ST8SIA5: variants seen among roughly 807,000 people sequenced by gnomAD.
ST8SIA5 encodes the protein alpha-2,8-sialyltransferase 8E.
In ST8SIA5, 24 loss-of-function variants were observed where a neutral mutation model predicts 40.2. The observed-to-expected ratio is 0.60, with a 90% confidence interval of 0.43 to 0.84. The LOEUF (loss-of-function observed/expected upper bound fraction) is 0.84. Among genes scored for constraint, ST8SIA5 ranks in the 40% least tolerant of loss-of-function variants. The probability of loss-of-function intolerance (pLI) is 0.00; values close to 1 mark genes in which losing one functional copy is unlikely to be tolerated. For synonymous variants in ST8SIA5, 198 were observed against 201.8 expected, an observed-to-expected ratio of 0.98 and a Z score of 0.16; for missense variants, 465 against 498.5, an observed-to-expected ratio of 0.93 and a Z score of 0.64.
chr18:46,719,720 C>CTCTCTCTTTCTT (rs2039838923), intron 1 of ST8SIA5, among the ~76,000 whole-genome samples: 3 of 5,666 alleles, frequency 5.3e-4, no homozygotes, highest in Non-Finnish European at 1.4e-3. Context: ...CTTTCTTTCT[C>CTCTCTCTTTCTT]TCTTTCTCTC....
At chr18:46,703,267 TC>T (rs1309182206) in intron 2 of ST8SIA5, among the ~76,000 whole-genome samples, 1 of 152,180 alleles carries the variant, frequency 6.6e-6, no homozygotes, top group African/African-American at 2.4e-5. Flanking sequence ...TGCCTCAGCC[TC>T]CAGAGTAGCT....
intron 2 of ST8SIA5, among the ~76,000 whole-genome samples, chr18:46,702,772 G>A (rs771110348): frequency 3.9e-5 from 6 of 152,240 alleles, no homozygotes; most frequent in Admixed American, 2.6e-4. Context: ...ATTAATGTCT[G>A]TCCCCCTCAG....
chr18:46,680,447 C>T lies in ST8SIA5; in HGVS notation c.726G>A (p.Ala242=), dbSNP rs1402107789. 1 of 1,610,182 alleles carries T rather than the reference C, an allele frequency of 6.2e-7. No individual in the cohort carries two copies. Among genetic ancestry groups the T allele is most frequent in the Non-Finnish European group, 8.5e-7 (1 of 1,178,030 alleles). The part of the protein sequence containing the change: ...FYRVLQVYEN[A]SVLLPAFYNT... ...TGTAGAAGGCAGGCAGCAGCACCGA[C>T]GCGTTCTCGTACACCTGCAGCACGC... Residue 242 remains alanine, a synonymous_variant, in exon 7 of 7, where the codon GCG becomes GCA. Coordinates refer to ENST00000315087, the MANE Select transcript of ST8SIA5 (RefSeq NM_013305.6).
At chr18:46,725,539 G>GT (rs1012427282) in intron 1 of ST8SIA5, among the ~76,000 whole-genome samples, 3 of 146,472 alleles carry the variant, frequency 2.0e-5, no homozygotes, top group African/African-American at 5.2e-5. Context: ...AATGGCACGG[G>GT]TGGGGGGGGA....
chr18:46,739,726 C>T lies in ST8SIA5; in HGVS notation c.131+16652G>A, dbSNP rs571925829. ...GTGACATACCCCACCACATCACCTT[C>T]GGGAATGAAGGACTTCTCCCCACCT... On this transcript the variant is annotated intron_variant, in intron 1 of 6. Coordinates refer to ENST00000315087, the MANE Select transcript of ST8SIA5 (RefSeq NM_013305.6). 4.6e-5 allele frequency among the ~76,000 whole-genome samples: 7 copies of T among 152,298 alleles called. No individual in the cohort carries two copies. The East Asian group carries it at 9.6e-4, about 21-fold the overall frequency.
chr18:46,667,967 G>A lies in ST8SIA5; in HGVS notation c.*12075C>T, dbSNP rs1239039145. On this transcript the variant is annotated 3_prime_UTR_variant, in exon 7 of 7. Coordinates refer to ENST00000315087, the MANE Select transcript of ST8SIA5 (RefSeq NM_013305.6). ...ACTACTCAAGGACAGCCACACACAA[G>A]CTGGAATTATGCTACAGGAGTTTGT... 6.6e-6 allele frequency: 1 copy of A among 152,206 alleles called. No homozygotes were observed. The highest frequency in any genetic ancestry group is 1.9e-4 in the East Asian group (1 of 5,204). 9.4% of individuals were successfully genotyped at this position (152,206 alleles called of 1,614,324 possible). A position where few individuals can be genotyped will look rare whatever the true frequency, so the allele number is the denominator to read the frequency against.
At chr18:46,738,251 C>A (rs1477183589) in intron 1 of ST8SIA5, among the ~76,000 whole-genome samples, 32 of 138,858 alleles carry the variant, frequency 2.3e-4, no homozygotes, top group South Asian at 2.3e-4. Flanking sequence ...ATAGAAATGT[C>A]AAAAAAAAAA....
At chr18:46,682,947 T>TTC (rs2039412039) in intron 5 of ST8SIA5, among the ~76,000 whole-genome samples, 1 of 152,210 alleles carries the variant, frequency 6.6e-6, no homozygotes, top group Non-Finnish European at 1.5e-5. Flanking sequence ...TCTGCAGACA[T>TTC]CTTGATTTTA....
chr18:46,738,250 T>G (rs1308452863), intron 1 of ST8SIA5, among the ~76,000 whole-genome samples: 2 of 46,168 alleles, frequency 4.3e-5, no homozygotes, highest in Admixed American at 2.2e-4. Context: ...AATAGAAATG[T>G]CAAAAAAAAA....
At chr18:46,681,298 G>T (rs947339797) in intron 6 of ST8SIA5, among the ~76,000 whole-genome samples, 1 of 152,108 alleles carries the variant, frequency 6.6e-6, no homozygotes, top group Non-Finnish European at 1.5e-5. Flanking sequence ...ACATTAAGCA[G>T]CGTTCCCTCT....
chr18:46,681,028 G>A (rs1485732381), intron 6 of ST8SIA5, among the ~76,000 whole-genome samples: 1 of 152,204 alleles, frequency 6.6e-6, no homozygotes, highest in Non-Finnish European at 1.5e-5. Flanking sequence ...CTGGAGTGCA[G>A]TGGTGCAATC....
chr18:46,703,938 T>C (rs368891464), intron 2 of ST8SIA5, among the ~76,000 whole-genome samples: 2 of 152,220 alleles, frequency 1.3e-5, no homozygotes, highest in Non-Finnish European at 1.5e-5. Flanking sequence ...CTATAGGTGA[T>C]GCATTGTTAA....
chr18:46,669,684 T>C lies in ST8SIA5; in HGVS notation c.*10358A>G, dbSNP rs1214270507. The C allele has an allele frequency of 2.0e-5, 3 of 151,880 alleles. No individual in the cohort carries two copies. The highest frequency in any genetic ancestry group is 7.3e-5 in the African/African-American group (3 of 41,306). The allele number at this position is 151,880 out of a possible 1,614,324, so 9.4% of individuals were successfully genotyped here. A position where few individuals can be genotyped will look rare whatever the true frequency, so the allele number is the denominator to read the frequency against. On this transcript the variant is annotated 3_prime_UTR_variant, in exon 7 of 7. Coordinates refer to ENST00000315087, the MANE Select transcript of ST8SIA5 (RefSeq NM_013305.6). ...GCAAAGTCCCTTGGAGATGGGAAGG[T>C]GGAAGGGGCTTGTCCCCCCACCACC...
rs1466737205 is a variant in ST8SIA5, at chr18:46,672,566, C to G, written c.*7476G>C. 2 of 150,424 alleles carry G rather than the reference C, an allele frequency of 1.3e-5. No homozygotes were observed. Among genetic ancestry groups the G allele is most frequent in the Non-Finnish European group, 2.9e-5 (2 of 67,874 alleles). The allele number at this position is 150,424 out of a possible 1,614,324, so 9.3% of individuals were successfully genotyped here. The stretch of plus-strand genomic sequence containing the variant: ...ACTGATTTCTGGCTTTTGTGGCCAA[C>G]AGCTAAGTCATGGAAGTGTATGTTT... On this transcript the variant is annotated 3_prime_UTR_variant, in exon 7 of 7. Coordinates refer to ENST00000315087, the MANE Select transcript of ST8SIA5 (RefSeq NM_013305.6).
chr18:46,724,532 G>T (rs1025891809), intron 1 of ST8SIA5, among the ~76,000 whole-genome samples: 1 of 152,218 alleles, frequency 6.6e-6, no homozygotes, highest in Admixed American at 6.5e-5. Context: ...TTATTGAAGT[G>T]GTTGTTTCCT....
At chr18:46,740,374 T>C (rs1237808439) in intron 1 of ST8SIA5, among the ~76,000 whole-genome samples, 1 of 152,028 alleles carries the variant, frequency 6.6e-6, no homozygotes, top group Non-Finnish European at 1.5e-5. Context: ...ACACAAAATA[T>C]GATGGCAGAA....
At chr18:46,754,040 G>A (rs2040219124) in intron 1 of ST8SIA5, among the ~76,000 whole-genome samples, 2 of 152,124 alleles carry the variant, frequency 1.3e-5, no homozygotes, top group Non-Finnish European at 2.9e-5. Flanking sequence ...TTGTAGACAG[G>A]AGACAGACTG....
At chr18:46,708,301 T>C (rs1405598728) in intron 1 of ST8SIA5, among the ~76,000 whole-genome samples, 1 of 152,170 alleles carries the variant, frequency 6.6e-6, no homozygotes, top group African/African-American at 2.4e-5. Flanking sequence ...ATCCTCCTTC[T>C]GCTGTGATTA....
Position 46,756,633 on chromosome 18 carries a change from C to A in ST8SIA5, c.-125G>T. ...ACGGTGCGGTCAGGCAGGCGGGGGA[C>A]TTCGAGGGGCAAAGTTTCTGGTTGG... On this transcript the variant is annotated 5_prime_UTR_variant, in exon 1 of 7. Coordinates refer to ENST00000315087, the MANE Select transcript of ST8SIA5 (RefSeq NM_013305.6). 8.6e-7 allele frequency: 1 copy of A among 1,162,674 alleles called. No individual in the cohort carries two copies. Among genetic ancestry groups the A allele is most frequent in the Non-Finnish European group, 1.2e-6 (1 of 847,148 alleles). The allele number at this position is 1,162,674 out of a possible 1,614,324, so 72.0% of individuals were successfully genotyped here.
Sources: gnomAD v4.1 joint callset for allele counts (sites outside exome capture counted in the v4.1 genomes callset) on GRCh38, gnomAD v4.1.1 for gene constraint, MANE v1.5 for transcripts, NCBI Gene and HGNC (gene_info 2026-07-23, HGNC 2026-07-21) for gene names.